Variants in ZNF423 observed in about 807,000 individuals in gnomAD.
ZNF423 encodes the protein zinc finger protein 423.
ZNF423 carries 12 observed loss-of-function variants against 95.8 expected under a neutral mutation model. The ratio of observed to expected loss-of-function variants is 0.13; its 90% CI spans 0.08 to 0.20. The LOEUF (loss-of-function observed/expected upper bound fraction) is 0.20, where lower values mean the gene tolerates loss of function less well. ZNF423 is among the 10% of genes least tolerant of loss of function. The pLI, the probability that ZNF423 is intolerant of heterozygous loss-of-function variation, is 1.00. For missense variants in ZNF423, 1,316 were observed against 1,737.1 expected, an observed-to-expected ratio of 0.76 and a Z score of 4.31; for synonymous variants, 749 against 711.9, an observed-to-expected ratio of 1.05 and a Z score of -0.83.
chr16:49,529,584 A>G (rs1320447093), intron 5 of ZNF423, among the ~76,000 whole-genome samples: 1 of 151,978 alleles, frequency 6.6e-6, no homozygotes, highest in Non-Finnish European at 1.5e-5. Flanking sequence ...GCTCCCTGTA[A>G]TGTCCCTGGT....
intron 2 of ZNF423, among the ~76,000 whole-genome samples, chr16:49,787,699 C>T (rs181551392): frequency 3.9e-5 from 6 of 152,208 alleles, no homozygotes; most frequent in Middle Eastern, 3.4e-3. Context: ...GTGCTTGACA[C>T]CCCCCCTGCC....
chr16:49,723,105 G>A (rs1477592905), intron 3 of ZNF423, among the ~76,000 whole-genome samples: 6 of 151,756 alleles, frequency 4.0e-5, no homozygotes, highest in African/African-American at 7.3e-5. Flanking sequence ...ACAGGCACCC[G>A]CCACCACGCC....
At chr16:49,619,335 T>C (rs752290551) in intron 5 of ZNF423, among the ~76,000 whole-genome samples, 8 of 152,146 alleles carry the variant, frequency 5.3e-5, no homozygotes, top group Non-Finnish European at 8.8e-5. Context: ...AGAAGAAACC[T>C]CAATGACAGA....
Position 49,831,719 on chromosome 16 carries a change from G to C in ZNF423, c.40+24016C>G, listed in dbSNP as rs547790074. Among the ~76,000 whole-genome samples the C allele has an allele frequency of 4.4e-4, 67 of 152,254 alleles. 2 individuals carry two copies. Among genetic ancestry groups the C allele is most frequent in the African/African-American group, 1.3e-3 (56 of 41,544 alleles). On this transcript the variant is annotated intron_variant, in intron 1 of 7. Transcript: ENST00000563137. ...GAAATTATTGATAAAGTCTGAGCAC[G>C]GTGGCTCACGCCTGTAATCCCAGCA...
chr16:49,735,838 A>G (rs1346171706), intron 2 of ZNF423, among the ~76,000 whole-genome samples: 2 of 152,194 alleles, frequency 1.3e-5, no homozygotes, highest in Non-Finnish European at 2.9e-5. Flanking sequence ...AGCTCCAAAC[A>G]CCATGCGGCT....
At chr16:49,501,532 A>T (rs903016244) in intron 7 of ZNF423, among the ~76,000 whole-genome samples, 1 of 152,186 alleles carries the variant, frequency 6.6e-6, no homozygotes, top group African/African-American at 2.4e-5. Flanking sequence ...CTGCAGATGC[A>T]TCCAAAGGAA....
intron 5 of ZNF423, among the ~76,000 whole-genome samples, chr16:49,566,673 G>A (rs1050398303): frequency 2.0e-5 from 3 of 152,152 alleles, no homozygotes; most frequent in Non-Finnish European, 4.4e-5. Flanking sequence ...GAGAGCCAAG[G>A]CATTAAATTA....
At chr16:49,592,213 T>TA (rs1971031078) in intron 5 of ZNF423, among the ~76,000 whole-genome samples, 1 of 152,264 alleles carries the variant, frequency 6.6e-6, no homozygotes. Context: ...TTGGGAAAGG[T>TA]AAACATCAAA....
chr16:49,783,960 C>T (rs2034266456), intron 2 of ZNF423, among the ~76,000 whole-genome samples: 1 of 141,360 alleles, frequency 7.1e-6, no homozygotes, highest in South Asian at 2.3e-4. Flanking sequence ...CAGAGCAAGA[C>T]TCCAACTCAA....
intron 7 of ZNF423, among the ~76,000 whole-genome samples, chr16:49,504,635 G>A (rs1309501730): frequency 6.6e-6 from 1 of 152,182 alleles, no homozygotes; most frequent in Non-Finnish European, 1.5e-5. Flanking sequence ...AGAAAGGGTT[G>A]CTGCACCAAT....
chr16:49,769,741 C>T (rs1330879745), intron 2 of ZNF423, among the ~76,000 whole-genome samples: 1 of 150,980 alleles, frequency 6.6e-6, no homozygotes, highest in Non-Finnish European at 1.5e-5. Flanking sequence ...TCTCCCTGAC[C>T]TCACGCTCCC....
intron 5 of ZNF423, among the ~76,000 whole-genome samples, chr16:49,573,221 G>T (rs1430179788): frequency 6.6e-6 from 1 of 152,124 alleles, no homozygotes; most frequent in Non-Finnish European, 1.5e-5. Flanking sequence ...ACTGATGTAT[G>T]TCCTGCAGTA....
At chr16:49,517,410 C>T (rs1968192577) in intron 7 of ZNF423, among the ~76,000 whole-genome samples, 1 of 152,198 alleles carries the variant, frequency 6.6e-6, no homozygotes, top group South Asian at 2.1e-4. Context: ...ACTGTCCCTG[C>T]ATTTCTTCTG....
chr16:49,697,919 A>G (rs1035965002), intron 3 of ZNF423, among the ~76,000 whole-genome samples: 2 of 152,192 alleles, frequency 1.3e-5, no homozygotes, highest in African/African-American at 2.4e-5. Flanking sequence ...GGGCAGGAGG[A>G]TACACGGGGA....
At chr16:49,593,318 C>CA (rs1461071367) in intron 5 of ZNF423, among the ~76,000 whole-genome samples, 1 of 151,980 alleles carries the variant, frequency 6.6e-6, no homozygotes. Context: ...GCCTGTGGTC[C>CA]CAGCTACTCA....
chr16:49,569,434 G>C (rs1219193690), intron 5 of ZNF423, among the ~76,000 whole-genome samples: 1 of 152,186 alleles, frequency 6.6e-6, no homozygotes, highest in Non-Finnish European at 1.5e-5. Context: ...CTGAGTGGCA[G>C]CATGGCAGAG....
At chr16:49,664,751 G>A (rs2030452535) in intron 3 of ZNF423, among the ~76,000 whole-genome samples, 1 of 152,228 alleles carries the variant, frequency 6.6e-6, no homozygotes, top group Non-Finnish European at 1.5e-5. Context: ...CCACAGCCAG[G>A]GCACAGCTCC....
At chr16:49,498,903 C>T (rs917241349) in intron 7 of ZNF423, among the ~76,000 whole-genome samples, 3 of 152,270 alleles carry the variant, frequency 2.0e-5, no homozygotes, top group Admixed American at 2.0e-4. Context: ...TAAGCATACT[C>T]GAGAGCACAC....
chr16:49,825,450 T>C (rs1011189680), intron 1 of ZNF423, among the ~76,000 whole-genome samples: 2 of 152,034 alleles, frequency 1.3e-5, no homozygotes, highest in African/African-American at 2.4e-5. Context: ...ATATAATATA[T>C]ACTTTTTTTT....
Sources: gnomAD v4.1 joint callset for allele counts (sites outside exome capture counted in the v4.1 genomes callset) on GRCh38, gnomAD v4.1.1 for gene constraint, MANE v1.5 for transcripts, NCBI Gene and HGNC (gene_info 2026-07-23, HGNC 2026-07-21) for gene names.